FLNA: variants seen among roughly 807,000 people sequenced by gnomAD.
FLNA encodes filamin A.
Under a neutral mutation model 157.6 loss-of-function variants are expected in FLNA, and 7 were observed. The ratio of observed to expected loss-of-function variants is 0.04; its 90% CI spans 0.03 to 0.08. The LOEUF (loss-of-function observed/expected upper bound fraction) is 0.08. Among genes scored for constraint, FLNA ranks in the 10% least tolerant of loss-of-function variants. The probability of loss-of-function intolerance (pLI) is 1.00; values close to 1 mark genes in which losing one functional copy is unlikely to be tolerated. For missense variants in FLNA, 1,750 were observed against 2,398.4 expected (o/e 0.73, Z 5.65); for synonymous variants, 1,103 against 1,060.8 (o/e 1.04, Z -0.77).
At chrX:154,359,686 C>G in intron 23 of FLNA, 40 bp from the exon 24 acceptor site, 1 of 1,210,388 alleles carries the variant, frequency 8.3e-7, no homozygotes, top group Non-Finnish European at 1.1e-6. Flanking sequence ...GCCCGGGCCA[C>G]CCCACCCACC....
In FLNA at chrX:154,360,592, G is replaced by A; in HGVS notation, c.3208-5C>T. 8.4e-7 allele frequency: 1 copy of A among 1,193,289 alleles called. No individual in the cohort carries two copies. The highest frequency in any genetic ancestry group is 1.1e-6 in the Non-Finnish European group (1 of 885,886). On this transcript the variant is annotated splice_polypyrimidine_tract_variant and splice_region_variant and intron_variant, in intron 21 of 47. Coordinates refer to ENST00000369850, the MANE Select transcript of FLNA (RefSeq NM_001110556.2). Reference sequence around the variant, plus strand: ...CCCCGGCCCAAACGCCTTCACCTGAGGGAAGAAGGGGTCAGGAGCCAAGGC... The same window carrying A: ...CCCCGGCCCAAACGCCTTCACCTGAAGGAAGAAGGGGTCAGGAGCCAAGGC...
At chrX:154,351,474 T>A in intron 43 of FLNA, 107 bp downstream of exon 43, 1 of 553,735 alleles carries the variant, frequency 1.8e-6, no homozygotes, top group South Asian at 2.5e-5. Context: ...AACCCAGAGC[T>A]GGGCCAGGGG....
Position 154,358,480 on chromosome X carries a change from G to A in FLNA, c.4563C>T (p.Ile1521=), listed in dbSNP as rs1557177291. The A allele has an allele frequency of 2.5e-6, 3 of 1,210,289 alleles. No individual in the cohort carries two copies. The highest frequency in any genetic ancestry group is 2.2e-6 in the Non-Finnish European group (2 of 894,541). ...CCTCTTCATCTCCATACAGTACTGA[G>A]ATGCTGTAGGGCCCTTCTCGGCTGG... ...YVPSREGPYS[I]SVLYGDEEVP... The change falls in exon 27 of 48, where the codon ATC becomes ATT. Residue 1521 remains isoleucine, a synonymous_variant. Coordinates refer to ENST00000369850, the MANE Select transcript of FLNA (RefSeq NM_001110556.2).
chrX:154,356,417 C>T (rs1557176854), intron 30 of FLNA, among the ~76,000 whole-genome samples: 3 of 112,157 alleles, frequency 2.7e-5, no homozygotes, highest in African/African-American at 9.7e-5. Context: ...TCCCCAGCCT[C>T]CCCCGCCCTG....
intron 2 of FLNA, among the ~76,000 whole-genome samples, chrX:154,369,343 A>G (rs1376685961): frequency 1.8e-5 from 2 of 112,260 alleles, no homozygotes; most frequent in Non-Finnish European, 3.8e-5. Context: ...CCCCCACCCC[A>G]GTCCAGCCTC....
At chrX:154,372,966 G>A (rs1021842253) in intron 1 of FLNA, among the ~76,000 whole-genome samples, 2 of 111,669 alleles carry the variant, frequency 1.8e-5, no homozygotes, top group Non-Finnish European at 3.8e-5. Flanking sequence ...TTTCCCACTA[G>A]TAGTGGTGTT....
chrX:154,359,867 C>T lies in FLNA; in HGVS notation c.3844G>A (p.Ala1282Thr), dbSNP rs782466840. ...REATTEFSVD[A>T]RALTQTGGPH... ...CCTCCGGTCTGTGTCAGAGCCCGGG[C>T]GTCCACACTGAACTCAGTGGTGGCC... The change falls in exon 23 of 48, where the codon GCC becomes ACC. Residue 1282 changes from alanine to threonine, a missense_variant. Coordinates refer to ENST00000369850, the MANE Select transcript of FLNA (RefSeq NM_001110556.2). 8.3e-7 allele frequency: 1 copy of T among 1,210,919 alleles called. No individual in the cohort carries two copies. The highest frequency in any genetic ancestry group is 1.1e-6 in the Non-Finnish European group (1 of 895,293).
chrX:154,367,325 A>G, intron 5 of FLNA, 72 bp downstream of exon 5: 1 of 1,126,315 alleles, frequency 8.9e-7, no homozygotes, highest in African/African-American at 1.8e-5. Context: ...GGGGACCGCC[A>G]CGTTTAGATG....
rs1557177991 is a variant in FLNA at position 154,361,298 on chromosome X, C to T, written c.3207+10G>A. 2.5e-6 allele frequency: 3 copies of T among 1,209,214 alleles called. No individual in the cohort carries two copies. The highest frequency in any genetic ancestry group is 4.4e-5 in the Admixed American group (2 of 45,919). ...GGTTCTACCCTTAGGGCCTCCCATA[C>T]CCCAATTACCTTGCTAGGCTTGGTG... On this transcript the variant is annotated intron_variant, in intron 21 of 47. Coordinates refer to ENST00000369850, the MANE Select transcript of FLNA (RefSeq NM_001110556.2).
rs781989668 is a variant in FLNA, at chrX:154,349,877, C to T, written c.7334-10G>A. ...AACTCAGCTGGGTTCCCTGGGAGCA[C>T]AGGAGGTCAGGCAGAGCCAGACTGG... On this transcript the variant is annotated splice_polypyrimidine_tract_variant and intron_variant, in intron 45 of 47. Coordinates refer to ENST00000369850, the MANE Select transcript of FLNA (RefSeq NM_001110556.2). 2 of 1,206,034 alleles carry T rather than the reference C, an allele frequency of 1.7e-6. No individual in the cohort carries two copies. Among genetic ancestry groups the T allele is most frequent in the Non-Finnish European group, 2.2e-6 (2 of 891,685 alleles).
chrX:154,359,673 G>A (rs1019197355), intron 23 of FLNA, 27 bp from the exon 24 acceptor site: 38 of 1,209,285 alleles, frequency 3.1e-5, no homozygotes, highest in Non-Finnish European at 3.8e-5. Flanking sequence ...CAGGTCAGGA[G>A]GAGCCCGGGC....
Position 154,366,542 on chromosome X carries a change from C to A in FLNA, c.1065+20G>T. ...GCCACTGCCTGAGGTCACAAGCCTC[C>A]CCCCTGGCCAAGGGCTCACCTTATG... On this transcript the variant is annotated intron_variant, in intron 7 of 47. Coordinates refer to ENST00000369850, the MANE Select transcript of FLNA (RefSeq NM_001110556.2). 8.3e-7 allele frequency: 1 copy of A among 1,208,977 alleles called. No homozygotes were observed. Among genetic ancestry groups the A allele is most frequent in the Non-Finnish European group, 1.1e-6 (1 of 892,618 alleles).
intron 15 of FLNA, among the ~76,000 whole-genome samples, chrX:154,363,138 C>T (rs1176196936): frequency 2.7e-5 from 3 of 112,380 alleles, no homozygotes; most frequent in African/African-American, 9.7e-5. Context: ...ATGAAGCGGC[C>T]GGACGTGGTG....
intron 11 of FLNA, 23 bp from the exon 12 acceptor site, chrX:154,364,980 G>T (rs1223140280): frequency 6.6e-6 from 8 of 1,209,616 alleles, no homozygotes; most frequent in Non-Finnish European, 8.9e-6. Context: ...GAGCCACACA[G>T]GGAACACCGA....
At position 154,359,905 on chromosome X, in the gene FLNA, C is replaced by G; in HGVS notation, c.3806G>C (p.Gly1269Ala). Residue 1269 changes from glycine (G) to alanine (A), a missense_variant and splice_region_variant, in exon 23 of 48, where the codon GGT becomes GCT. This residue lies in a region of FLNA where 970 missense variants were observed against 1,302.6 expected (regional missense o/e 0.74). Transcript: ENST00000369850. ...QCYGPGIEGQ[G>A]VFREATTEFS... is the part of the protein sequence containing the mutation. ...CTCAGTGGTGGCCTCACGGAAGACA[C>G]CTGCAAAGGCACAGAGAGGAGGCTT... 1 of 1,210,665 alleles carries G rather than the reference C, an allele frequency of 8.3e-7. No homozygotes were observed. The highest frequency in any genetic ancestry group is 1.1e-6 in the Non-Finnish European group (1 of 895,205).
chrX:154,361,085 A>G (rs1603361416), intron 21 of FLNA, among the ~76,000 whole-genome samples: 6 of 83,657 alleles, frequency 7.2e-5, no homozygotes, highest in Non-Finnish European at 1.1e-4. Flanking sequence ...AAAAAGAAAG[A>G]AAAAAAAAAA....
Position 154,366,832 on chromosome X carries a change from T to G in FLNA, c.887A>C (p.Asn296Thr), listed in dbSNP as rs782309946. 3 of 1,210,795 alleles carry G rather than the reference T, an allele frequency of 2.5e-6. No homozygotes were observed. The highest frequency in any genetic ancestry group is 3.4e-6 in the Non-Finnish European group (3 of 894,439). The change falls in exon 6 of 48, where the codon AAC becomes ACC. Residue 296 changes from asparagine (N) to threonine (T), a missense_variant. Coordinates refer to ENST00000369850, the MANE Select transcript of FLNA (RefSeq NM_001110556.2). ...AYGPGIEPTG[N>T]MVKKRAEFTV... Reference sequence around the variant, plus strand: ...GAACTCTGCCCGCTTCTTCACCATGTTGCCTGTGGGCTCGATGCCTGGCAG... The same window carrying G: ...GAACTCTGCCCGCTTCTTCACCATGGTGCCTGTGGGCTCGATGCCTGGCAG...
intron 5 of FLNA, among the ~76,000 whole-genome samples, chrX:154,367,158 G>A (rs1300566019): frequency 3.6e-5 from 4 of 112,018 alleles, no homozygotes; most frequent in Non-Finnish European, 7.5e-5. Context: ...AATAAAGACC[G>A]CTGGATGCTA....
intron 30 of FLNA, among the ~76,000 whole-genome samples, chrX:154,356,370 C>T (rs1177820489): frequency 8.9e-6 from 1 of 111,887 alleles, no homozygotes; most frequent in African/African-American, 3.3e-5. Context: ...GAGTCTTGCT[C>T]CCACCCTCAA....
Sources: allele counts gnomAD v4.1 joint callset (sites outside exome capture counted in the v4.1 genomes callset), GRCh38; gene constraint gnomAD v4.1.1; regional missense constraint gnomAD v4.1.1; transcripts MANE v1.5; gene names NCBI Gene and HGNC (gene_info 2026-07-23, HGNC 2026-07-21).